KCNQ3: variants seen among roughly 807,000 people sequenced by gnomAD.
KCNQ3 encodes potassium voltage-gated channel subfamily KQT member 3.
In KCNQ3, 30 loss-of-function variants were observed where a neutral mutation model predicts 92.5. That is an observed-to-expected ratio of 0.32 (90% confidence interval 0.24 to 0.44). The LOEUF (loss-of-function observed/expected upper bound fraction) is 0.44, where lower values mean the gene tolerates loss of function less well. Ranked by LOEUF, KCNQ3 falls within the 20% of genes least tolerant of loss-of-function variation. KCNQ3 has a pLI of 1.00. For missense variants in KCNQ3, 913 were observed against 1,140.3 expected, an observed-to-expected ratio of 0.80 and a Z score of 2.87; for synonymous variants, 450 against 468.8, an observed-to-expected ratio of 0.96 and a Z score of 0.52.
At chr8:132,264,299 C>T (rs1017333376) in intron 1 of KCNQ3, among the ~76,000 whole-genome samples, 2 of 152,286 alleles carry the variant, frequency 1.3e-5, no homozygotes, top group African/African-American at 4.8e-5. Context: ...GGAATGGCCC[C>T]AGGTAACTGT....
intron 1 of KCNQ3, among the ~76,000 whole-genome samples, chr8:132,192,015 C>G (rs1009904230): frequency 6.6e-6 from 1 of 152,170 alleles, no homozygotes; most frequent in East Asian, 1.9e-4. Context: ...CTCCATCCGG[C>G]TGATTGAAAT....
At chr8:132,194,950 TA>T (rs1486909297) in intron 1 of KCNQ3, among the ~76,000 whole-genome samples, 1 of 152,208 alleles carries the variant, frequency 6.6e-6, no homozygotes, top group Non-Finnish European at 1.5e-5. Flanking sequence ...TTATCTCTGG[TA>T]AATCAAAGAG....
chr8:132,138,067 A>T (rs1825164535), intron 11 of KCNQ3, 51 bp from the exon 12 acceptor site: 1 of 1,594,446 alleles, frequency 6.3e-7, no homozygotes, highest in Non-Finnish European at 8.5e-7. Flanking sequence ...GAGTGCGGGG[A>T]GCTATAACAG....
intron 1 of KCNQ3, among the ~76,000 whole-genome samples, chr8:132,235,532 C>G (rs1234442004): frequency 6.6e-6 from 1 of 152,172 alleles, no homozygotes; most frequent in Non-Finnish European, 1.5e-5. Flanking sequence ...CAGCCACTAG[C>G]TGACCACCAA....
Position 132,132,162 on chromosome 8 carries a change from G to C in KCNQ3, c.1884+18C>G. The C allele has an allele frequency of 6.6e-7, 1 of 1,515,190 alleles. No individual in the cohort carries two copies. The highest frequency in any genetic ancestry group is 9.2e-7 in the Non-Finnish European group (1 of 1,090,214). The allele number at this position is 1,515,190 out of a possible 1,614,324, so 93.9% of individuals were successfully genotyped here. ...ATGTCACAGATCCAGTTTTTGGTGA[G>C]AGGAAGAAAAGACTTACCTGTCTTT... is the stretch of plus-strand genomic sequence containing the variant. On this transcript the variant is annotated intron_variant, in intron 14 of 14. Transcript: ENST00000388996.
chr8:132,428,766 G>A lies in KCNQ3; in HGVS notation c.386+51381C>T, dbSNP rs61546385. ...AAGTGCAGTTTAGAGCACCTTTCCA[G>A]TTGGCACAAAATTATATTCACTCAG... is the stretch of plus-strand genomic sequence containing the variant. On this transcript the variant is annotated intron_variant, in intron 1 of 14. Coordinates refer to ENST00000388996, the MANE Select transcript of KCNQ3 (RefSeq NM_004519.4). Among the ~76,000 whole-genome samples the A allele has an allele frequency of 9.9e-3, 1,510 of 152,304 alleles. 36 individuals carry two copies. The highest frequency in any genetic ancestry group is 0.034 in the African/African-American group (1,418 of 41,562).
chr8:132,364,555 GAAGGC>G (rs1819259993), intron 1 of KCNQ3, among the ~76,000 whole-genome samples: 1 of 152,180 alleles, frequency 6.6e-6, no homozygotes, highest in Non-Finnish European at 1.5e-5. Flanking sequence ...GTACATTCCA[GAAGGC>G]AAGATACAGG....
Position 132,172,606 on chromosome 8 carries a change from G to A in KCNQ3, c.1132C>T (p.Leu378Phe), listed in dbSNP as rs2130121043. 1 of 1,613,794 alleles carries A rather than the reference G, an allele frequency of 6.2e-7. No individual in the cohort carries two copies. Among genetic ancestry groups the A allele is most frequent in the Non-Finnish European group, 8.5e-7 (1 of 1,179,760 alleles). Residue 378 changes from leucine to phenylalanine, a missense_variant, in exon 7 of 15, where the codon CTC becomes TTC. Physicochemically the swap from Leu to Phe is conservative, Grantham distance 22. Around this residue, in one of 6 missense-constraint regions of KCNQ3, gnomAD observed 52 missense variants for 127.7 expected, o/e 0.41. Transcript: ENST00000388996. ...FEKRRKPAAE[L>F]IQAAWRYYAT... ...TTCCCAGGCAGACAGACCTGAATGA[G>A]CTCAGCAGCTGGCTTCCTCCTTTTC...
intron 1 of KCNQ3, among the ~76,000 whole-genome samples, chr8:132,470,992 T>C (rs1822287680): frequency 6.6e-6 from 1 of 152,222 alleles, no homozygotes; most frequent in Non-Finnish European, 1.5e-5. Context: ...TGGGTTAGTT[T>C]GTCTCATTAT....
chr8:132,184,624 T>A (rs1826903891), intron 2 of KCNQ3, among the ~76,000 whole-genome samples: 1 of 152,206 alleles, frequency 6.6e-6, no homozygotes, highest in South Asian at 2.1e-4. Context: ...GCACAGTGAT[T>A]ACTCGTTCTT....
chr8:132,222,893 C>T (rs1814282136), intron 1 of KCNQ3, among the ~76,000 whole-genome samples: 1 of 152,162 alleles, frequency 6.6e-6, no homozygotes, highest in African/African-American at 2.4e-5. Context: ...GTATTGCTTA[C>T]TTAACGAGAA....
At chr8:132,218,299 G>A (rs985744747) in intron 1 of KCNQ3, among the ~76,000 whole-genome samples, 3 of 152,176 alleles carry the variant, frequency 2.0e-5, no homozygotes, top group African/African-American at 7.2e-5. Context: ...GATGGATGGC[G>A]CATAAAACAG....
chr8:132,225,738 C>T (rs576966714), intron 1 of KCNQ3, among the ~76,000 whole-genome samples: 1 of 152,166 alleles, frequency 6.6e-6, no homozygotes, highest in Non-Finnish European at 1.5e-5. Flanking sequence ...AGAAGTTATA[C>T]AATATTTACC....
At position 132,121,996 on chromosome 8, in the gene KCNQ3, C is replaced by T. The variant is rs903726136; in HGVS notation, c.*7266G>A. The stretch of plus-strand genomic sequence containing the variant: ...AACAGCTGACCCAGGCATCACTCTA[C>T]TCTCCAGGGAACTCATGGGTCTGTG... On this transcript the variant is annotated 3_prime_UTR_variant, in exon 15 of 15. Coordinates refer to ENST00000388996, the MANE Select transcript of KCNQ3 (RefSeq NM_004519.4). The T allele has an allele frequency of 6.6e-6, 1 of 152,250 alleles. No individual in the cohort carries two copies. The highest frequency in any genetic ancestry group is 1.5e-5 in the Non-Finnish European group (1 of 68,050). 9.4% of individuals were successfully genotyped at this position (152,250 alleles called of 1,614,324 possible). A position where few individuals can be genotyped will look rare whatever the true frequency, so the allele number is the denominator to read the frequency against.
chr8:132,217,791 C>T (rs750291431), intron 1 of KCNQ3, among the ~76,000 whole-genome samples: 2 of 151,290 alleles, frequency 1.3e-5, no homozygotes, highest in Non-Finnish European at 2.9e-5. Context: ...GATGACTTTC[C>T]AGCTCATGTG....
At chr8:132,222,552 TG>T (rs1814272488) in intron 1 of KCNQ3, among the ~76,000 whole-genome samples, 1 of 152,194 alleles carries the variant, frequency 6.6e-6, no homozygotes, top group African/African-American at 2.4e-5. Flanking sequence ...GACTTTGGGT[TG>T]GTGGAAAAGA....
intron 1 of KCNQ3, among the ~76,000 whole-genome samples, chr8:132,235,125 C>T (rs952536069): frequency 2.6e-5 from 4 of 152,124 alleles, no homozygotes; most frequent in African/African-American, 9.7e-5. Flanking sequence ...TCTCCTTAAC[C>T]CTCTCTGGTG....
chr8:132,377,094 T>C (rs988830909), intron 1 of KCNQ3, among the ~76,000 whole-genome samples: 2 of 152,204 alleles, frequency 1.3e-5, no homozygotes, highest in African/African-American at 4.8e-5. Flanking sequence ...TCTGTGAGGA[T>C]GTTTCCAGAA....
Position 132,154,204 on chromosome 8 carries a change from T to TGTTTGTTTG in KCNQ3, c.1262+9263_1262+9264insCAAACAAAC, listed in dbSNP as rs1563775979. On this transcript the variant is annotated intron_variant, in intron 9 of 14. Coordinates refer to ENST00000388996, the MANE Select transcript of KCNQ3 (RefSeq NM_004519.4). ...TCAAAAGGGTAAAAGTTTTTTTTTTTTTTTTTTTTTTTTTTTTTTAGCCAA... is the reference window on the plus strand; with the variant it reads ...TCAAAAGGGTAAAAGTTTTTTTTTTTGTTTGTTTGTTTTTTTTTTTTTTTTTTTAGCCAA... Among the ~76,000 whole-genome samples the TGTTTGTTTG allele has an allele frequency of 1.3e-3, 180 of 136,774 alleles. 5 individuals are homozygous for TGTTTGTTTG. Among genetic ancestry groups the TGTTTGTTTG allele is most frequent in the African/African-American group, 5.1e-3 (169 of 33,166 alleles). The allele number at this position is 136,774 out of a possible 152,430, so 89.7% of individuals were successfully genotyped here. A position where few individuals can be genotyped will look rare whatever the true frequency, so the allele number is the denominator to read the frequency against.
Sources: gnomAD v4.1 joint callset for allele counts (sites outside exome capture counted in the v4.1 genomes callset) on GRCh38, gnomAD v4.1.1 for gene constraint, gnomAD v4.1.1 regional missense constraint, MANE v1.5 for transcripts, NCBI Gene and HGNC (gene_info 2026-07-23, HGNC 2026-07-21) for gene names.